Variants in LRIT3 observed in about 807,000 individuals in gnomAD.
LRIT3 encodes the protein leucine-rich repeat, immunoglobulin-like domain and transmembrane domain-containing protein 3.
A neutral mutation model predicts 22.6 loss-of-function variants in LRIT3; 14 were observed. That is an observed-to-expected ratio of 0.62 (90% confidence interval 0.41 to 0.97). The LOEUF is 0.97. LRIT3 is among the 50% of genes least tolerant of loss of function. LRIT3 has a pLI of 0.00. For synonymous variants in LRIT3, 306 were observed against 304.5 expected (o/e 1.01, Z -0.05); for missense variants, 783 against 803.0 (o/e 0.98, Z 0.30).
chr4:109,871,092 G>A lies in LRIT3; in HGVS notation c.*303G>A, dbSNP rs556856274. 10 of 228,086 alleles carry A rather than the reference G, an allele frequency of 4.4e-5. No homozygotes were observed. The South Asian group carries it at 1.5e-3, about 35-fold the overall frequency. 14.1% of individuals were successfully genotyped at this position (228,086 alleles called of 1,614,324 possible). ...AAATAAGTTCATGTGAAAGTAGCAA[G>A]TGAACTCTGTATTTAAAAATATAGT... On this transcript the variant is annotated 3_prime_UTR_variant, in exon 4 of 4. Transcript: ENST00000594814.
rs184088530 is a variant in LRIT3 at position 109,861,234 on chromosome 4, G to A, written c.590-6407G>A. On this transcript the variant is annotated intron_variant, in intron 2 of 3. Transcript: ENST00000594814. Reference sequence around the variant, plus strand: ...AAAATACAAAAATTAGCCAGGTGTGGTGGTGCATGCCTATAGTCCCAGCTA... The same window carrying A: ...AAAATACAAAAATTAGCCAGGTGTGATGGTGCATGCCTATAGTCCCAGCTA... Among the ~76,000 whole-genome samples the A allele has an allele frequency of 3.3e-5, 5 of 152,078 alleles. No individual in the cohort carries two copies. The East Asian group carries it at 5.8e-4, about 18-fold the overall frequency.
intron 1 of LRIT3, among the ~76,000 whole-genome samples, chr4:109,850,790 G>T (rs1208064806): frequency 1.3e-5 from 2 of 151,774 alleles, no homozygotes; most frequent in Non-Finnish European, 2.9e-5. Flanking sequence ...ACATTGCCCA[G>T]TGTTGTTTTT....
intron 2 of LRIT3, 68 bp from the exon 3 acceptor site, chr4:109,867,573 C>CCGT: frequency 7.1e-7 from 1 of 1,416,346 alleles, no homozygotes. Context: ...CCTACTTTCT[C>CCGT]AAGAGGCAGG....
chr4:109,864,971 C>T, intron 2 of LRIT3: 2 of 895,158 alleles, frequency 2.2e-6, no homozygotes, highest in Non-Finnish European at 3.1e-6. Flanking sequence ...TTATCTTTAG[C>T]ACCTCAATCA....
chr4:109,857,465 T>C (rs950359627), intron 2 of LRIT3, among the ~76,000 whole-genome samples: 2 of 152,194 alleles, frequency 1.3e-5, no homozygotes, highest in Admixed American at 1.3e-4. Flanking sequence ...AAGGTGGATT[T>C]ACTTATAACC....
At chr4:109,868,184 G>A (rs1187976730) in intron 3 of LRIT3, among the ~76,000 whole-genome samples, 1 of 152,170 alleles carries the variant, frequency 6.6e-6, no homozygotes, top group East Asian at 1.9e-4. Context: ...ACAATGCAGT[G>A]GATGGATCAA....
chr4:109,853,430 T>C (rs866153832), intron 2 of LRIT3, among the ~76,000 whole-genome samples: 76 of 152,222 alleles, frequency 5.0e-4, no homozygotes, highest in African/African-American at 1.8e-3. Flanking sequence ...TTGATGGAGT[T>C]GTTTGTTTTT....
intron 2 of LRIT3, 45 bp from the exon 3 acceptor site, chr4:109,867,596 G>A (rs1440682592): frequency 6.4e-7 from 1 of 1,554,270 alleles, no homozygotes; most frequent in South Asian, 1.2e-5. Context: ...GTAAACTGAA[G>A]TCATCAGAAT....
intron 2 of LRIT3, among the ~76,000 whole-genome samples, chr4:109,864,015 GA>G (rs1489630450): frequency 2.0e-5 from 3 of 152,150 alleles, no homozygotes; most frequent in African/African-American, 7.2e-5. Flanking sequence ...TTCAAACTAT[GA>G]AATAGTCTAT....
At chr4:109,858,616 G>T (rs1422546624) in intron 2 of LRIT3, among the ~76,000 whole-genome samples, 1 of 152,028 alleles carries the variant, frequency 6.6e-6, no homozygotes, top group Admixed American at 6.6e-5. Flanking sequence ...TCCCTTCCTT[G>T]GTTTACCATG....
rs996641458 is a variant in LRIT3, at chr4:109,869,649, A to G, written c.900A>G (p.Ile300Met). Residue 300 changes from isoleucine (I) to methionine (M), a missense_variant, in exon 4 of 4, where the codon ATA becomes ATG. By Grantham distance (10) the Ile-to-Met change is conservative. This residue lies in a region of LRIT3 where 756 missense variants were observed against 753.8 expected (regional missense o/e 1.00). Transcript: ENST00000594814. ...TATACATTTGTTTTCTTCCAGTAAT[A>G]CAAGAATCTCCAGAGGAAGGAGTCA... is the stretch of plus-strand genomic sequence containing the variant. The part of the protein sequence containing the change: ...SDSSPVNYTV[I>M]QESPEEGVRW... 1 of 1,536,260 alleles carries G rather than the reference A, an allele frequency of 6.5e-7. No individual in the cohort carries two copies. The highest frequency in any genetic ancestry group is 1.3e-5 in the South Asian group (1 of 76,470).
At position 109,870,107 on chromosome 4, in the gene LRIT3, A is replaced by G; in HGVS notation, c.1358A>G (p.Lys453Arg). 2 of 1,614,210 alleles carry G rather than the reference A, an allele frequency of 1.2e-6. No homozygotes were observed. The highest frequency in any genetic ancestry group is 1.7e-6 in the Non-Finnish European group (2 of 1,180,026). ...CACCAAGGTGGGAAAAGAAATTTAA[A>G]GGTGGCAAAGAATGGAAGTAAGCTT... Reference protein sequence around the residue: ...QLHQGGKRNLKVAKNGSKLPP... With the variant: ...QLHQGGKRNLRVAKNGSKLPP... The change falls in exon 4 of 4, where the codon AAG becomes AGG. Residue 453 changes from lysine to arginine, a missense_variant. Transcript: ENST00000594814.
At chr4:109,860,145 T>A (rs767399035) in intron 2 of LRIT3, among the ~76,000 whole-genome samples, 6 of 152,214 alleles carry the variant, frequency 3.9e-5, no homozygotes, top group Non-Finnish European at 7.3e-5. Context: ...TACACAGGCA[T>A]ATTCTGTAAG....
At position 109,870,763 on chromosome 4, in the gene LRIT3, G is replaced by A. The variant is rs1734816338; in HGVS notation, c.2014G>A (p.Gly672Ser). 11 of 1,610,502 alleles carry A rather than the reference G, an allele frequency of 6.8e-6. No homozygotes were observed. Among genetic ancestry groups the A allele is most frequent in the Non-Finnish European group, 9.3e-6 (11 of 1,178,056 alleles). The change falls in exon 4 of 4, where the codon GGT (glycine) becomes AGT (serine). Residue 672 changes from glycine to serine, a missense_variant. Gly to Ser is a moderately conservative substitution (Grantham distance 56, BLOSUM62 0). Around this residue, in one of 2 missense-constraint regions of LRIT3, gnomAD observed 756 missense variants for 753.8 expected, o/e 1.00. Transcript: ENST00000594814. The part of the protein sequence containing the change: ...VESQVTFKSE[G>S]SRPEYYC ...ATCTCAGGTGACTTTTAAAAGTGAAGGTTCCAGACCAGAGTATTATTGCTA... is the reference window on the plus strand; with the variant it reads ...ATCTCAGGTGACTTTTAAAAGTGAAAGTTCCAGACCAGAGTATTATTGCTA...
At chr4:109,858,100 G>A (rs1050194168) in intron 2 of LRIT3, among the ~76,000 whole-genome samples, 1 of 152,120 alleles carries the variant, frequency 6.6e-6, no homozygotes, top group Non-Finnish European at 1.5e-5. Context: ...TGAAGGTTGG[G>A]CAGGACAACG....
chr4:109,855,413 A>C (rs1172001254), intron 2 of LRIT3, among the ~76,000 whole-genome samples: 1 of 152,060 alleles, frequency 6.6e-6, no homozygotes, highest in Non-Finnish European at 1.5e-5. Context: ...TATTGAGTCT[A>C]TTTGATTCTT....
intron 2 of LRIT3, among the ~76,000 whole-genome samples, chr4:109,865,660 G>T (rs1003019304): frequency 3.9e-5 from 6 of 152,134 alleles, no homozygotes; most frequent in Admixed American, 3.3e-4. Flanking sequence ...TAAGTACTAT[G>T]TTTAGCAAGA....
At chr4:109,860,058 ATT>A (rs1734497614) in intron 2 of LRIT3, among the ~76,000 whole-genome samples, 1 of 152,208 alleles carries the variant, frequency 6.6e-6, no homozygotes, top group African/African-American at 2.4e-5. Context: ...AAACATTGGA[ATT>A]AACTATAAAA....
chr4:109,858,285 G>A (rs910203282), intron 2 of LRIT3, among the ~76,000 whole-genome samples: 11 of 152,266 alleles, frequency 7.2e-5, no homozygotes, highest in Admixed American at 4.6e-4. Flanking sequence ...TCAGGAGGAG[G>A]CAGAGGTTGA....
Sources: allele counts gnomAD v4.1 joint callset (sites outside exome capture counted in the v4.1 genomes callset), GRCh38; gene constraint gnomAD v4.1.1; regional missense constraint gnomAD v4.1.1; transcripts MANE v1.5; gene names NCBI Gene and HGNC (gene_info 2026-07-23, HGNC 2026-07-21).